Variants in PLXNC1 observed in about 807,000 individuals in gnomAD.
The protein encoded by PLXNC1 is plexin-C1.
In PLXNC1, 75 loss-of-function variants were observed where a neutral mutation model predicts 178.2. The observed-to-expected ratio is 0.42, with a 90% confidence interval of 0.35 to 0.51. PLXNC1 has a LOEUF of 0.51. Among genes scored for constraint, PLXNC1 ranks in the 20% least tolerant of loss-of-function variants. The probability of loss-of-function intolerance (pLI) is 0.02; values close to 1 mark genes in which losing one functional copy is unlikely to be tolerated. For synonymous variants in PLXNC1, 790 were observed against 779.9 expected, an observed-to-expected ratio of 1.01 and a Z score of -0.22; for missense variants, 1,503 against 1,984.4, an observed-to-expected ratio of 0.76 and a Z score of 4.61.
At position 94,224,081 on chromosome 12, in the gene PLXNC1, A is replaced by C. The variant is rs139131443; in HGVS notation, c.1703-147A>C. 3,850 of 650,814 alleles carry C rather than the reference A, an allele frequency of 5.9e-3. 18 individuals carry two copies. Among genetic ancestry groups the C allele is most frequent in the Non-Finnish European group, 8.5e-3 (3,051 of 357,034 alleles). 40.3% of individuals were successfully genotyped at this position (650,814 alleles called of 1,614,324 possible). ...GAATGGCCTATGGGGAAGGAACCAC[A>C]TACTGATTGAAATGTTAGCAAACAG... On this transcript the variant is annotated intron_variant, in intron 6 of 30. Transcript: ENST00000258526.
chr12:94,263,098 C>T (rs114884082), intron 20 of PLXNC1, among the ~76,000 whole-genome samples: 1,911 of 152,230 alleles, frequency 0.013, 40 homozygotes, highest in African/African-American at 0.044. Context: ...ACGTACGCAG[C>T]GGCTGTGGCT....
rs373542956 is a variant in PLXNC1, at chr12:94,186,493, T to C, written c.1439+20T>C. 6.5e-7 allele frequency: 1 copy of C among 1,542,690 alleles called. No individual in the cohort carries two copies. Among genetic ancestry groups the C allele is most frequent in the African/African-American group, 1.4e-5 (1 of 73,638 alleles). On this transcript the variant is annotated intron_variant, in intron 4 of 30. Transcript: ENST00000258526. Reference sequence around the variant, plus strand: ...ACAAAGGTATCTCCTGAATTCTTTCTCACCAACTCGCATTTTTGAAAAAGT... The same window carrying C: ...ACAAAGGTATCTCCTGAATTCTTTCCCACCAACTCGCATTTTTGAAAAAGT...
intron 7 of PLXNC1, among the ~76,000 whole-genome samples, chr12:94,225,784 G>A (rs117699264): frequency 0.014 from 2,094 of 152,266 alleles, 26 homozygotes; most frequent in Non-Finnish European, 0.021. Flanking sequence ...TAGAAGAAGC[G>A]AGCAAATCAC....
intron 11 of PLXNC1, among the ~76,000 whole-genome samples, chr12:94,243,354 A>C (rs1287941111): frequency 6.6e-6 from 1 of 152,240 alleles, no homozygotes; most frequent in Non-Finnish European, 1.5e-5. Context: ...CGCTTTGCTT[A>C]TATGCACTGA....
chr12:94,218,352 A>T (rs1287375054), intron 5 of PLXNC1, among the ~76,000 whole-genome samples: 1 of 152,222 alleles, frequency 6.6e-6, no homozygotes, highest in East Asian at 1.9e-4. Flanking sequence ...TAGCAAGCTT[A>T]TCAAAGAACC....
intron 21 of PLXNC1, among the ~76,000 whole-genome samples, chr12:94,269,566 A>T (rs1336782281): frequency 6.6e-6 from 1 of 152,186 alleles, no homozygotes; most frequent in Non-Finnish European, 1.5e-5. Flanking sequence ...TTGTCCTTGC[A>T]GAAGATCCAT....
At chr12:94,254,280 T>C (rs888463152) in intron 15 of PLXNC1, among the ~76,000 whole-genome samples, 1 of 152,214 alleles carries the variant, frequency 6.6e-6, no homozygotes, top group African/African-American at 2.4e-5. Context: ...TGGGAGTTCC[T>C]TGTGGCTCGC....
At chr12:94,184,964 G>A (rs1191947002) in intron 3 of PLXNC1, among the ~76,000 whole-genome samples, 2 of 152,140 alleles carry the variant, frequency 1.3e-5, no homozygotes, top group Non-Finnish European at 2.9e-5. Flanking sequence ...CTGGATCATG[G>A]AGCCCTTTTC....
intron 2 of PLXNC1, chr12:94,176,295 G>C (rs1962047068): frequency 6.6e-6 from 1 of 152,172 alleles, no homozygotes; most frequent in South Asian, 2.1e-4. Context: ...ATATTCTCCT[G>C]AAGTTTGCAA....
intron 23 of PLXNC1, among the ~76,000 whole-genome samples, chr12:94,293,543 G>T (rs1415674991): frequency 1.3e-5 from 2 of 152,208 alleles, no homozygotes; most frequent in African/African-American, 4.8e-5. Context: ...CCCTCCTCCT[G>T]GTTTGCTGAG....
chr12:94,245,634 A>G (rs1964509429), intron 12 of PLXNC1, among the ~76,000 whole-genome samples: 1 of 152,204 alleles, frequency 6.6e-6, no homozygotes, highest in Admixed American at 6.5e-5. Context: ...TTTTCACATT[A>G]AAGAGAAATT....
At chr12:94,178,181 G>C (rs1962171932) in intron 2 of PLXNC1, among the ~76,000 whole-genome samples, 1 of 152,068 alleles carries the variant, frequency 6.6e-6, no homozygotes, top group Non-Finnish European at 1.5e-5. Flanking sequence ...GAAAAAACCA[G>C]GTATTTTGCC....
chr12:94,295,127 C>T (rs1967770961), intron 24 of PLXNC1, among the ~76,000 whole-genome samples: 1 of 152,210 alleles, frequency 6.6e-6, no homozygotes, highest in African/African-American at 2.4e-5. Context: ...AATTATACCC[C>T]AGTCAAGACA....
chr12:94,221,754 G>A (rs1018202827), intron 6 of PLXNC1, among the ~76,000 whole-genome samples: 1 of 152,122 alleles, frequency 6.6e-6, no homozygotes. Flanking sequence ...CTCTGACTTC[G>A]CAGATGGTGC....
intron 7 of PLXNC1, 176 bp from the exon 8 acceptor site, chr12:94,226,429 A>G: frequency 5.5e-6 from 3 of 546,116 alleles, no homozygotes; most frequent in Non-Finnish European, 6.6e-6. Flanking sequence ...ATTCCGGCCC[A>G]TCAACCTGAG....
chr12:94,249,004 T>G (rs1381716186), intron 14 of PLXNC1, among the ~76,000 whole-genome samples: 1 of 152,144 alleles, frequency 6.6e-6, no homozygotes, highest in African/African-American at 2.4e-5. Flanking sequence ...TCACCCTTTA[T>G]AGTATTCATG....
rs371527824 is a variant in PLXNC1, at chr12:94,301,064, C to G, written c.4386+7C>G. ...AGAGCAGCAACTAGGGAAGGTAAGG[C>G]CCAGCTTGAGTATTTCTTGTATGCA... On this transcript the variant is annotated splice_region_variant and intron_variant, in intron 28 of 30. Coordinates refer to ENST00000258526, the MANE Select transcript of PLXNC1 (RefSeq NM_005761.3). 32 of 1,612,820 alleles carry G rather than the reference C, an allele frequency of 2.0e-5. No homozygotes were observed. The African/African-American group carries it at 3.9e-4, about 20-fold the overall frequency.
chr12:94,200,564 T>C (rs966144272), intron 4 of PLXNC1, among the ~76,000 whole-genome samples: 1 of 152,134 alleles, frequency 6.6e-6, no homozygotes, highest in African/African-American at 2.4e-5. Flanking sequence ...GCCACCTGTT[T>C]AGTGGTGGAG....
Position 94,259,482 on chromosome 12 carries a change from T to C in PLXNC1, c.3126+107T>C, listed in dbSNP as rs1964937863. ...TATTACTTTGAATTTTTATTGTGGGTTTTTTTTGGATCATGAATTCAATAT... is the reference window on the plus strand; with the variant it reads ...TATTACTTTGAATTTTTATTGTGGGCTTTTTTTGGATCATGAATTCAATAT... On this transcript the variant is annotated intron_variant, in intron 18 of 30. Transcript: ENST00000258526. 33 of 1,146,284 alleles carry C rather than the reference T, an allele frequency of 2.9e-5. No individual in the cohort carries two copies. In the South Asian group the frequency reaches 5.3e-4, roughly 18 times the overall value. The allele number at this position is 1,146,284 out of a possible 1,614,324, so 71.0% of individuals were successfully genotyped here.
Sources: allele counts gnomAD v4.1 joint callset (sites outside exome capture counted in the v4.1 genomes callset), GRCh38; gene constraint gnomAD v4.1.1; transcripts MANE v1.5; gene names NCBI Gene and HGNC (gene_info 2026-07-23, HGNC 2026-07-21).